Variants in KCNT2 observed in about 807,000 individuals in gnomAD.
KCNT2 encodes the protein potassium sodium-activated channel subfamily T member 2.
KCNT2 carries 67 observed loss-of-function variants against 153.8 expected under a neutral mutation model. The observed-to-expected ratio is 0.44, with a 90% CI of 0.36 to 0.53. KCNT2 has a LOEUF of 0.53. Among genes scored for constraint, KCNT2 ranks in the 20% least tolerant of loss-of-function variants. The probability of loss-of-function intolerance (pLI) is 0.00; values close to 1 mark genes in which losing one functional copy is unlikely to be tolerated. For missense variants in KCNT2, 975 were observed against 1,354.8 expected, an observed-to-expected ratio of 0.72 and a Z score of 4.40; for synonymous variants, 500 against 458.8, an observed-to-expected ratio of 1.09 and a Z score of -1.15.
intron 25 of KCNT2, among the ~76,000 whole-genome samples, chr1:196,279,761 T>G (rs975638222): frequency 2.0e-5 from 3 of 151,874 alleles, no homozygotes; most frequent in Non-Finnish European, 4.4e-5. Context: ...GAAGCTAAAG[T>G]GACACCACCA....
chr1:196,268,001 G>A (rs1657710194), intron 25 of KCNT2, among the ~76,000 whole-genome samples: 1 of 152,192 alleles, frequency 6.6e-6, no homozygotes, highest in South Asian at 2.1e-4. Flanking sequence ...TGTGTTAAAT[G>A]TGATGAAGCT....
chr1:196,373,503 C>A (rs1051360164), intron 13 of KCNT2, among the ~76,000 whole-genome samples: 4 of 151,854 alleles, frequency 2.6e-5, no homozygotes, highest in Admixed American at 2.6e-4. Context: ...AATGCTTAAC[C>A]CTGTCTTAAC....
At chr1:196,460,374 A>G (rs1399226718) in intron 8 of KCNT2, among the ~76,000 whole-genome samples, 1 of 151,806 alleles carries the variant, frequency 6.6e-6, no homozygotes, top group African/African-American at 2.4e-5. Flanking sequence ...CTTAAAATAC[A>G]TGGTTTGAAA....
intron 27 of KCNT2, among the ~76,000 whole-genome samples, chr1:196,230,843 G>A (rs2102215608): frequency 1.3e-5 from 2 of 151,998 alleles, no homozygotes; most frequent in Admixed American, 1.3e-4. Flanking sequence ...TGAAATGACT[G>A]TAAAGAATTT....
intron 8 of KCNT2, among the ~76,000 whole-genome samples, chr1:196,462,935 A>T (rs1057345128): frequency 1.1e-4 from 16 of 151,628 alleles, no homozygotes; most frequent in Admixed American, 1.1e-3. Context: ...CCTTTCAGCC[A>T]TGTGTGGATA....
At chr1:196,269,247 C>A (rs563205233) in intron 25 of KCNT2, among the ~76,000 whole-genome samples, 1 of 152,236 alleles carries the variant, frequency 6.6e-6, no homozygotes, top group Non-Finnish European at 1.5e-5. Context: ...AGCACTTGTG[C>A]AAAGCACATT....
At chr1:196,326,670 C>A in intron 19 of KCNT2, 47 bp downstream of exon 19, 1 of 1,115,070 alleles carries the variant, frequency 9.0e-7, no homozygotes, top group Non-Finnish European at 1.2e-6. Context: ...CATTAACATA[C>A]TATTAAAAAC....
intron 1 of KCNT2, among the ~76,000 whole-genome samples, chr1:196,575,620 A>T (rs1558095720): frequency 6.7e-6 from 1 of 149,872 alleles, no homozygotes; most frequent in African/African-American, 2.4e-5. Flanking sequence ...TATAATAAAT[A>T]ATATATAGAT....
intron 21 of KCNT2, among the ~76,000 whole-genome samples, 176 bp from the exon 22 acceptor site, chr1:196,305,521 C>A (rs1174434774): frequency 6.6e-6 from 1 of 152,056 alleles, no homozygotes; most frequent in Non-Finnish European, 1.5e-5. Flanking sequence ...AACACTATTT[C>A]CCGAAGAATA....
intron 3 of KCNT2, 94 bp from the exon 4 acceptor site, chr1:196,482,473 T>C (rs1232079321): frequency 1.6e-6 from 1 of 616,744 alleles, no homozygotes; most frequent in East Asian, 3.4e-5. Context: ...TAAAATATGC[T>C]AGCATAAAAA....
intron 13 of KCNT2, among the ~76,000 whole-genome samples, chr1:196,391,871 T>A (rs548578620): frequency 5.3e-5 from 8 of 151,220 alleles, no homozygotes; most frequent in Non-Finnish European, 1.0e-4. Context: ...TGCATAAAAA[T>A]TTTTACAAAG....
At chr1:196,271,564 AGAAATGCTTTCCTGGGTTTGAGAAT>A (rs1445315124) in intron 25 of KCNT2, among the ~76,000 whole-genome samples, 1 of 152,062 alleles carries the variant, frequency 6.6e-6, no homozygotes, top group Non-Finnish European at 1.5e-5. Flanking sequence ...AATGAAAGTA[AGAAATGCTTTCCTGGGTTTGAGAAT>A]GAATGAGATT....
At chr1:196,354,565 A>G (rs909424581) in intron 14 of KCNT2, among the ~76,000 whole-genome samples, 1 of 151,804 alleles carries the variant, frequency 6.6e-6, no homozygotes, top group African/African-American at 2.4e-5. Context: ...GTAACTGTAG[A>G]AATATTTTGA....
intron 22 of KCNT2, among the ~76,000 whole-genome samples, chr1:196,295,281 G>A (rs1337895148): frequency 6.6e-6 from 1 of 151,810 alleles, no homozygotes; most frequent in African/African-American, 2.4e-5. Flanking sequence ...TAAAACCAGT[G>A]TTCTTTCTTG....
chr1:196,532,623 T>C (rs763371661), intron 1 of KCNT2, among the ~76,000 whole-genome samples: 2 of 151,942 alleles, frequency 1.3e-5, no homozygotes, highest in Non-Finnish European at 2.9e-5. Flanking sequence ...ATAGAAAAAT[T>C]GTGACTTTAC....
rs544950905 is a variant in KCNT2 at position 196,442,806 on chromosome 1, G to A, written c.639-13049C>T. ...TAAGAAATTCAGAACAAATTAACAC[G>A]CTTTGCCTATACAACAAGACACGTG... On this transcript the variant is annotated intron_variant, in intron 8 of 27. Coordinates refer to ENST00000294725, the MANE Select transcript of KCNT2 (RefSeq NM_198503.5). Among the ~76,000 whole-genome samples, 189 of 151,634 alleles carry A rather than the reference G, an allele frequency of 1.2e-3. 1 individual carries two copies. In the South Asian group the frequency reaches 0.014, roughly 11 times the overall value.
chr1:196,362,610 A>G (rs1413650720), intron 14 of KCNT2, among the ~76,000 whole-genome samples: 1 of 152,136 alleles, frequency 6.6e-6, no homozygotes. Flanking sequence ...ACATACTTTC[A>G]TAAAGGTTTT....
At chr1:196,554,112 A>T (rs917556152) in intron 1 of KCNT2, among the ~76,000 whole-genome samples, 1 of 151,302 alleles carries the variant, frequency 6.6e-6, no homozygotes, top group Non-Finnish European at 1.5e-5. Context: ...AAGAGCTATA[A>T]AAACAAGAGC....
chr1:196,445,924 C>T (rs1238501704), intron 8 of KCNT2, among the ~76,000 whole-genome samples: 1 of 151,078 alleles, frequency 6.6e-6, no homozygotes, highest in East Asian at 1.9e-4. Flanking sequence ...AAAATTACTG[C>T]AAATTACAAC....
Sources: gnomAD v4.1 joint callset for allele counts (sites outside exome capture counted in the v4.1 genomes callset) on GRCh38, gnomAD v4.1.1 for gene constraint, MANE v1.5 for transcripts, NCBI Gene and HGNC (gene_info 2026-07-23, HGNC 2026-07-21) for gene names.